Variants in ECT2L observed in about 807,000 individuals in gnomAD.
The protein encoded by ECT2L is epithelial cell transforming 2 like.
ECT2L carries 126 observed loss-of-function variants against 122.8 expected under a neutral mutation model. That is an observed-to-expected ratio of 1.03 (90% CI 0.89 to 1.19). The LOEUF (loss-of-function observed/expected upper bound fraction) is 1.19, where lower values mean the gene tolerates loss of function less well. Among genes scored for constraint, ECT2L ranks in the 50% most tolerant of loss-of-function variants. ECT2L has a pLI of 0.00. For synonymous variants in ECT2L, 385 were observed against 381.8 expected, an observed-to-expected ratio of 1.01 and a Z score of -0.10; for missense variants, 1,012 against 1,064.1, an observed-to-expected ratio of 0.95 and a Z score of 0.68.
At chr6:138,844,288 C>A in intron 6 of ECT2L, 124 bp from the exon 7 acceptor site, 2 of 1,113,000 alleles carry the variant, frequency 1.8e-6, no homozygotes, top group Non-Finnish European at 1.3e-6. Context: ...ATGAAAATGG[C>A]TGTAATTATT....
At chr6:138,821,582 A>C (rs1206146694) in intron 4 of ECT2L, among the ~76,000 whole-genome samples, 1 of 152,238 alleles carries the variant, frequency 6.6e-6, no homozygotes, top group Non-Finnish European at 1.5e-5. Flanking sequence ...TGTCAGCTTT[A>C]GAATTGTGTG....
intron 4 of ECT2L, among the ~76,000 whole-genome samples, chr6:138,816,346 T>C (rs1464561525): frequency 6.6e-6 from 1 of 152,204 alleles, no homozygotes; most frequent in Non-Finnish European, 1.5e-5. Flanking sequence ...CTTTTTTCTG[T>C]GAGACAAGAA....
intron 12 of ECT2L, 84 bp from the exon 13 acceptor site, chr6:138,868,019 A>AT (rs11395003): frequency 2.4e-6 from 2 of 833,572 alleles, no homozygotes; most frequent in Non-Finnish European, 3.5e-6. Flanking sequence ...AAAAAAAAAA[A>AT]GAAACTGTGA....
At chr6:138,858,561 A>G (rs1262383097) in intron 10 of ECT2L, among the ~76,000 whole-genome samples, 2 of 152,050 alleles carry the variant, frequency 1.3e-5, no homozygotes, top group Non-Finnish European at 2.9e-5. Flanking sequence ...AATCAAGAAA[A>G]TGAACATATT....
intron 1 of ECT2L, among the ~76,000 whole-genome samples, chr6:138,798,219 A>G (rs115488967): frequency 6.6e-6 from 1 of 152,300 alleles, no homozygotes; most frequent in African/African-American, 2.4e-5. Context: ...AATTGATGAC[A>G]TCATTGGCCA....
rs145350757 is a variant in ECT2L, at chr6:138,825,693, G to A, written c.179+11090G>A. 1.9e-4 allele frequency among the ~76,000 whole-genome samples: 29 copies of A among 152,262 alleles called. No homozygotes were observed. The East Asian group carries it at 5.2e-3, about 27-fold the overall frequency. The stretch of plus-strand genomic sequence containing the variant: ...AGCCTTTTTACACTTCTGTGCATTC[G>A]TATGACTATATATGGATCCGATTAG... On this transcript the variant is annotated intron_variant, in intron 4 of 21. Coordinates refer to ENST00000541398, the MANE Select transcript of ECT2L (RefSeq NM_001077706.3).
At chr6:138,797,395 G>A (rs1015965914) in intron 1 of ECT2L, among the ~76,000 whole-genome samples, 4 of 152,198 alleles carry the variant, frequency 2.6e-5, no homozygotes, top group African/African-American at 4.8e-5. Context: ...AATTGCAGAA[G>A]TACGCGCATG....
intron 1 of ECT2L, among the ~76,000 whole-genome samples, chr6:138,802,236 G>A (rs1227297162): frequency 1.3e-5 from 2 of 152,234 alleles, no homozygotes; most frequent in Non-Finnish European, 2.9e-5. Flanking sequence ...ATGTGAGCTT[G>A]GAAGTTAATT....
chr6:138,847,354 ACTTTTTT>A (rs1777260661), intron 8 of ECT2L, among the ~76,000 whole-genome samples: 3 of 111,016 alleles, frequency 2.7e-5, no homozygotes, highest in African/African-American at 1.2e-4. Context: ...AAAGGCCCAA[ACTTTTTT>A]TTTTTTTTTT....
intron 10 of ECT2L, among the ~76,000 whole-genome samples, chr6:138,856,458 C>T (rs145356730): frequency 6.6e-6 from 1 of 152,058 alleles, no homozygotes; most frequent in Admixed American, 6.6e-5. Context: ...CATGATCCGC[C>T]CACCTCAGCC....
At chr6:138,820,372 G>A (rs1776232184) in intron 4 of ECT2L, among the ~76,000 whole-genome samples, 1 of 152,210 alleles carries the variant, frequency 6.6e-6, no homozygotes, top group Non-Finnish European at 1.5e-5. Flanking sequence ...GTTGTGTGAA[G>A]ACCAATGCTC....
chr6:138,797,007 G>A (rs6570283), intron 1 of ECT2L, among the ~76,000 whole-genome samples: 112,145 of 152,100 alleles, frequency 0.74, 41,723 homozygotes, highest in East Asian at 0.91. Flanking sequence ...TACAGCTTTA[G>A]TTTTATAGCT....
intron 1 of ECT2L, among the ~76,000 whole-genome samples, chr6:138,801,874 C>T (rs746252180): frequency 6.6e-6 from 1 of 152,226 alleles, no homozygotes; most frequent in Non-Finnish European, 1.5e-5. Flanking sequence ...AAAGCAACCA[C>T]AGATAATACA....
At chr6:138,820,311 C>A (rs763338012) in intron 4 of ECT2L, among the ~76,000 whole-genome samples, 4 of 152,158 alleles carry the variant, frequency 2.6e-5, no homozygotes, top group Non-Finnish European at 4.4e-5. Context: ...GAAACTTAAA[C>A]AAGATTTGAG....
At chr6:138,838,838 G>C (rs1337067245) in intron 5 of ECT2L, among the ~76,000 whole-genome samples, 1 of 152,210 alleles carries the variant, frequency 6.6e-6, no homozygotes, top group Non-Finnish European at 1.5e-5. Flanking sequence ...GAGTGCAGTG[G>C]CGTGATCTCA....
Position 138,900,963 on chromosome 6 carries a change from C to T in ECT2L, c.2430C>T (p.Ile810=). ...TTTAACACAGGCTCTATGAACACATCCATGATCTCAGCCTTTTCCTCTTCA... is the reference window on the plus strand; with the variant it reads ...TTTAACACAGGCTCTATGAACACATTCATGATCTCAGCCTTTTCCTCTTCA... The part of the protein sequence containing the change: ...ISFSLRLYEH[I]HDLSLFLFND... Residue 810 remains isoleucine, a synonymous_variant, in exon 21 of 22, where the codon ATC becomes ATT. Coordinates refer to ENST00000541398, the MANE Select transcript of ECT2L (RefSeq NM_001077706.3). 1.2e-6 allele frequency: 2 copies of T among 1,614,014 alleles called. No homozygotes were observed. Among genetic ancestry groups the T allele is most frequent in the Non-Finnish European group, 1.7e-6 (2 of 1,179,962 alleles).
At position 138,882,756 on chromosome 6, in the gene ECT2L, A is replaced by G; in HGVS notation, c.1913A>G (p.Gln638Arg). The change falls in exon 16 of 22, where the codon CAG (glutamine) becomes CGG (arginine). Residue 638 changes from glutamine (Q) to arginine (R), a missense_variant. Transcript: ENST00000541398. ...QFLDNLRDRL[Q>R]EWGPAHCVGE... ...CTAGATAACCTGAGAGACAGACTGC[A>G]GGAATGGGGCCCAGCTCACTGTGTG... The G allele has an allele frequency of 1.2e-6, 2 of 1,614,216 alleles. No individual in the cohort carries two copies. The highest frequency in any genetic ancestry group is 1.7e-6 in the Non-Finnish European group (2 of 1,180,018).
chr6:138,865,445 C>T (rs750091111), intron 12 of ECT2L, among the ~76,000 whole-genome samples: 2 of 152,212 alleles, frequency 1.3e-5, no homozygotes, highest in Admixed American at 1.3e-4. Flanking sequence ...TTTACCTAGA[C>T]ACAATTTGCT....
intron 4 of ECT2L, among the ~76,000 whole-genome samples, chr6:138,828,774 A>G (rs1776546262): frequency 6.6e-6 from 1 of 152,154 alleles, no homozygotes; most frequent in African/African-American, 2.4e-5. Flanking sequence ...AATAGCTTGG[A>G]TTTATGTCAT....
Sources: allele counts gnomAD v4.1 joint callset (sites outside exome capture counted in the v4.1 genomes callset), GRCh38; gene constraint gnomAD v4.1.1; transcripts MANE v1.5; gene names NCBI Gene and HGNC (gene_info 2026-07-23, HGNC 2026-07-21).